The following PCDH9 variants were observed in gnomAD, a reference collection of about 807,000 sequenced individuals.
PCDH9 encodes the protein protocadherin 9.
PCDH9 carries 24 observed loss-of-function variants against 70.6 expected under a neutral mutation model. The observed-to-expected ratio is 0.34, with a 90% CI of 0.25 to 0.48. The LOEUF is 0.48. Ranked by LOEUF, PCDH9 falls within the 20% of genes least tolerant of loss-of-function variation. The pLI is 0.99. For synonymous variants in PCDH9, 562 were observed against 558.5 expected (o/e 1.01, Z -0.09); for missense variants, 1,281 against 1,503.6 (o/e 0.85, Z 2.45).
At chr13:66,890,411 C>A (rs4884707) in intron 3 of PCDH9, among the ~76,000 whole-genome samples, 13 of 146,530 alleles carry the variant, frequency 8.9e-5, no homozygotes, top group African/African-American at 2.5e-5. Context: ...CTTGACTAAA[C>A]TTTAGACAAA....
At chr13:66,597,750 G>A (rs2077120921) in intron 4 of PCDH9, among the ~76,000 whole-genome samples, 1 of 151,638 alleles carries the variant, frequency 6.6e-6, no homozygotes, top group South Asian at 2.1e-4. Flanking sequence ...AAACTAAAAG[G>A]CATCTGTTGC....
At chr13:67,114,853 G>GT (rs2086728345) in intron 2 of PCDH9, among the ~76,000 whole-genome samples, 1 of 152,098 alleles carries the variant, frequency 6.6e-6, no homozygotes. Context: ...TTTTTCCTTT[G>GT]TATCTGATTA....
At chr13:66,393,367 C>G (rs1240976008) in intron 4 of PCDH9, among the ~76,000 whole-genome samples, 2 of 152,146 alleles carry the variant, frequency 1.3e-5, no homozygotes, top group Admixed American at 1.3e-4. Flanking sequence ...ACTGCTAACT[C>G]TTTTATATGT....
chr13:66,878,238 T>C (rs1374798025), intron 3 of PCDH9, among the ~76,000 whole-genome samples: 1 of 151,936 alleles, frequency 6.6e-6, no homozygotes, highest in Non-Finnish European at 1.5e-5. Flanking sequence ...TATTTATTTA[T>C]TTTTTTGAGA....
rs535639137 is a variant in PCDH9 at position 67,196,670 on chromosome 13, T to C, written c.3036+28735A>G. ...TGGGCAAGTGCATTTTAATGTATGA[T>C]TGTGTAAATGTTTCATTCGTTGTCC... On this transcript the variant is annotated intron_variant, in intron 2 of 4. Coordinates refer to ENST00000377865, the MANE Select transcript of PCDH9 (RefSeq NM_203487.3). 6.2e-4 allele frequency among the ~76,000 whole-genome samples: 95 copies of C among 152,168 alleles called. 2 individuals carry two copies. The highest frequency in any genetic ancestry group is 1.1e-3 in the Non-Finnish European group (73 of 67,930).
chr13:67,193,335 ACACAC>A (rs1566487305), intron 2 of PCDH9, among the ~76,000 whole-genome samples: 7,010 of 43,006 alleles, frequency 0.16, 207 homozygotes, highest in Middle Eastern at 0.32. Context: ...AGATTAAAAC[ACACAC>A]ACACACACAC....
chr13:66,312,954 T>A (rs552027360), intron 4 of PCDH9, among the ~76,000 whole-genome samples: 8 of 152,310 alleles, frequency 5.3e-5, no homozygotes, highest in South Asian at 4.1e-4. Context: ...AAGCAGGGAA[T>A]TCACTGCCAG....
chr13:66,954,275 T>C (rs1013188790), intron 2 of PCDH9, among the ~76,000 whole-genome samples: 2 of 152,246 alleles, frequency 1.3e-5, no homozygotes, highest in African/African-American at 4.8e-5. Flanking sequence ...TAATTATATA[T>C]GTACATATTG....
At chr13:66,648,279 G>A (rs1028919371) in intron 3 of PCDH9, among the ~76,000 whole-genome samples, 10 of 152,220 alleles carry the variant, frequency 6.6e-5, no homozygotes, top group African/African-American at 2.4e-4. Flanking sequence ...CTTCAGGTCT[G>A]AACCAGTGCA....
rs1955425274 is a variant in PCDH9, at chr13:66,304,385, G to A, written c.*270C>T. The A allele has an allele frequency of 2.8e-6, 1 of 351,198 alleles. No individual in the cohort carries two copies. The highest frequency in any genetic ancestry group is 5.2e-6 in the Non-Finnish European group (1 of 192,680). The allele number at this position is 351,198 out of a possible 1,614,324, so 21.8% of individuals were successfully genotyped here. On this transcript the variant is annotated 3_prime_UTR_variant, in exon 5 of 5. Transcript: ENST00000377865. Reference sequence around the variant, plus strand: ...TCTATTGTTCATAGCAGCAGTCCAGGGTCAAAATAAAATGCAATAATAAAA... The same window carrying A: ...TCTATTGTTCATAGCAGCAGTCCAGAGTCAAAATAAAATGCAATAATAAAA...
At chr13:66,769,757 A>G (rs2079775870) in intron 3 of PCDH9, among the ~76,000 whole-genome samples, 1 of 152,120 alleles carries the variant, frequency 6.6e-6, no homozygotes. Context: ...AGAACCACAG[A>G]ATTGTAGAGC....
chr13:66,735,993 CA>C (rs1453939454), intron 3 of PCDH9, among the ~76,000 whole-genome samples: 2 of 151,792 alleles, frequency 1.3e-5, no homozygotes, highest in Non-Finnish European at 2.9e-5. Flanking sequence ...TTAAAGAAGA[CA>C]TGATATATGT....
chr13:66,477,780 AAAGAT>A (rs1958761274), intron 4 of PCDH9, among the ~76,000 whole-genome samples: 1 of 152,236 alleles, frequency 6.6e-6, no homozygotes, highest in South Asian at 2.1e-4. Context: ...AGCTTCAAGA[AAAGAT>A]AAGGTGATAA....
intron 2 of PCDH9, among the ~76,000 whole-genome samples, chr13:66,906,959 A>T (rs946216604): frequency 6.6e-6 from 1 of 152,142 alleles, no homozygotes; most frequent in African/African-American, 2.4e-5. Flanking sequence ...TAATCCCAGC[A>T]CTTTGGGAGG....
intron 4 of PCDH9, among the ~76,000 whole-genome samples, chr13:66,599,317 G>T (rs548793637): frequency 2.0e-5 from 3 of 151,508 alleles, no homozygotes; most frequent in South Asian, 4.2e-4. Flanking sequence ...AAGAGATTTT[G>T]AATGTAAAAA....
In PCDH9 at chr13:66,969,579, G is replaced by A. The variant is rs2083484347; in HGVS notation, c.3037-65974C>T. Among the ~76,000 whole-genome samples the A allele has an allele frequency of 2.0e-5, 3 of 152,020 alleles. No individual in the cohort carries two copies. The South Asian group carries it at 6.2e-4, about 32-fold the overall frequency. On this transcript the variant is annotated intron_variant, in intron 2 of 4. Coordinates refer to ENST00000377865, the MANE Select transcript of PCDH9 (RefSeq NM_203487.3). ...GCCCAGCACTTTCTGCATAAAACAG[G>A]ATTATGCACACCAATTAAATACCTC...
chr13:66,436,318 A>T (rs1547318), intron 4 of PCDH9, among the ~76,000 whole-genome samples: 2 of 151,816 alleles, frequency 1.3e-5, no homozygotes, highest in Non-Finnish European at 2.9e-5. Context: ...TGCCTTGTGA[A>T]GACACAGCAA....
chr13:66,804,693 C>T (rs1357132070), intron 3 of PCDH9, among the ~76,000 whole-genome samples: 1 of 152,002 alleles, frequency 6.6e-6, no homozygotes, highest in African/African-American at 2.4e-5. Flanking sequence ...TATACTTTTC[C>T]TATATAAAAA....
At chr13:66,330,591 G>A (rs981451340) in intron 4 of PCDH9, among the ~76,000 whole-genome samples, 8 of 152,066 alleles carry the variant, frequency 5.3e-5, no homozygotes, top group African/African-American at 1.9e-4. Flanking sequence ...TTGTGTGGGG[G>A]TGGGGGAAAG....
Sources: gnomAD v4.1 joint callset for allele counts (sites outside exome capture counted in the v4.1 genomes callset) on GRCh38, gnomAD v4.1.1 for gene constraint, MANE v1.5 for transcripts, NCBI Gene and HGNC (gene_info 2026-07-23, HGNC 2026-07-21) for gene names.